Variants in RANBP9 observed in about 807,000 individuals in gnomAD.
The protein encoded by RANBP9 is RAN binding protein 9.
In RANBP9, 15 loss-of-function variants were observed where a neutral mutation model predicts 84.3. That is an observed-to-expected ratio of 0.18 (90% CI 0.12 to 0.27). The LOEUF is 0.27. RANBP9 is among the 10% of genes least tolerant of loss of function. The pLI, the probability that RANBP9 is intolerant of heterozygous loss-of-function variation, is 1.00. For synonymous variants in RANBP9, 392 were observed against 349.6 expected, an observed-to-expected ratio of 1.12 and a Z score of -1.35; for missense variants, 809 against 912.8, an observed-to-expected ratio of 0.89 and a Z score of 1.46.
At chr6:13,707,981 C>T (rs1289823342) in intron 1 of RANBP9, among the ~76,000 whole-genome samples, 4 of 152,224 alleles carry the variant, frequency 2.6e-5, no homozygotes, top group African/African-American at 4.8e-5. Flanking sequence ...AAAAATTTCA[C>T]ATATACTATA....
At chr6:13,702,731 A>G (rs1758005317) in intron 1 of RANBP9, among the ~76,000 whole-genome samples, 1 of 152,174 alleles carries the variant, frequency 6.6e-6, no homozygotes, top group Non-Finnish European at 1.5e-5. Flanking sequence ...GAAGAAAAAA[A>G]AAATCCTACC....
chr6:13,697,712 T>C (rs754516112), intron 1 of RANBP9, among the ~76,000 whole-genome samples: 1 of 151,958 alleles, frequency 6.6e-6, no homozygotes, highest in Non-Finnish European at 1.5e-5. Flanking sequence ...TAAGAGAAAA[T>C]ATGTCCACAA....
At chr6:13,684,753 A>G (rs1461013007) in intron 2 of RANBP9, among the ~76,000 whole-genome samples, 1 of 152,218 alleles carries the variant, frequency 6.6e-6, no homozygotes, top group Non-Finnish European at 1.5e-5. Context: ...GATCTTAAAT[A>G]AATAATTATG....
intron 2 of RANBP9, among the ~76,000 whole-genome samples, chr6:13,683,686 A>G (rs1766098135): frequency 6.6e-6 from 1 of 150,624 alleles, no homozygotes; most frequent in Non-Finnish European, 1.5e-5. Context: ...AAAATATGTT[A>G]TTTTTTTTCT....
chr6:13,648,525 C>G (rs1345472606), intron 5 of RANBP9, among the ~76,000 whole-genome samples: 2 of 152,056 alleles, frequency 1.3e-5, no homozygotes, highest in Non-Finnish European at 2.9e-5. Context: ...ATAATGTCTT[C>G]TAGAAAAATA....
chr6:13,621,673 G>A lies in RANBP9; in HGVS notation c.*689C>T, dbSNP rs1329184236. 2 of 152,590 alleles carry A rather than the reference G, an allele frequency of 1.3e-5. No homozygotes were observed. Among genetic ancestry groups the A allele is most frequent in the Admixed American group, 6.5e-5 (1 of 15,282 alleles). 9.5% of individuals were successfully genotyped at this position (152,590 alleles called of 1,614,324 possible). A position where few individuals can be genotyped will look rare whatever the true frequency, so the allele number is the denominator to read the frequency against. ...AAGGTCATAACCACACCGTTGACAT[G>A]TAATACTGTTATAATACAACAGTTA... On this transcript the variant is annotated 3_prime_UTR_variant, in exon 14 of 14. Coordinates refer to ENST00000011619, the MANE Select transcript of RANBP9 (RefSeq NM_005493.3).
At chr6:13,664,995 TA>T (rs1293721848) in intron 2 of RANBP9, among the ~76,000 whole-genome samples, 1 of 152,086 alleles carries the variant, frequency 6.6e-6, no homozygotes, top group East Asian at 1.9e-4. Flanking sequence ...CAAAAGTGCC[TA>T]GACAGTCCAA....
chr6:13,696,985 T>C, intron 1 of RANBP9, 89 bp from the exon 2 acceptor site: 1 of 1,073,962 alleles, frequency 9.3e-7, no homozygotes, highest in Non-Finnish European at 1.4e-6. Context: ...ATATAGGTTT[T>C]TGGAATGATG....
intron 5 of RANBP9, among the ~76,000 whole-genome samples, chr6:13,648,358 G>A (rs1765220674): frequency 3.9e-5 from 6 of 151,934 alleles, no homozygotes; most frequent in Admixed American, 2.6e-4. Context: ...ATGTTGGCCA[G>A]GATAGTCTTG....
chr6:13,642,822 C>CT (rs1765097938), intron 6 of RANBP9, among the ~76,000 whole-genome samples: 2 of 152,108 alleles, frequency 1.3e-5, no homozygotes, highest in African/African-American at 4.8e-5. Flanking sequence ...ACTACTCTCC[C>CT]TAAAATAAAT....
chr6:13,708,514 A>AAGGAAAAT (rs1758184187), intron 1 of RANBP9, among the ~76,000 whole-genome samples: 1 of 152,186 alleles, frequency 6.6e-6, no homozygotes, highest in African/African-American at 2.4e-5. Flanking sequence ...TTTCAAAGAT[A>AAGGAAAAT]AGGAAAATTC....
At chr6:13,709,276 C>G (rs1251906142) in intron 1 of RANBP9, among the ~76,000 whole-genome samples, 1 of 152,190 alleles carries the variant, frequency 6.6e-6, no homozygotes, top group Non-Finnish European at 1.5e-5. Flanking sequence ...TCGTCCAGCT[C>G]AACTTACACA....
chr6:13,690,245 AT>A (rs1317586634), intron 2 of RANBP9, among the ~76,000 whole-genome samples: 3 of 152,184 alleles, frequency 2.0e-5, no homozygotes, highest in Non-Finnish European at 2.9e-5. Context: ...ATAATTTCTT[AT>A]CCCCACTCAG....
At chr6:13,670,833 A>G (rs2113307798) in intron 2 of RANBP9, among the ~76,000 whole-genome samples, 2 of 151,504 alleles carry the variant, frequency 1.3e-5, no homozygotes, top group East Asian at 3.9e-4. Context: ...TAGACAAACT[A>G]GACTCCATAA....
At chr6:13,691,295 T>C (rs1259519697) in intron 2 of RANBP9, among the ~76,000 whole-genome samples, 6 of 152,128 alleles carry the variant, frequency 3.9e-5, no homozygotes, top group Admixed American at 1.3e-4. Flanking sequence ...GCTGCACATA[T>C]ACAAAACTTA....
At position 13,711,174 on chromosome 6, in the gene RANBP9, C is replaced by A. The variant is rs967550710; in HGVS notation, c.332G>T (p.Gly111Val). ...CGGGGCTCCTCCAGCCGGGCCGGGGCCCGCTGCAAGGCCCGGGGGAGCGGG... is the reference window on the plus strand; with the variant it reads ...CGGGGCTCCTCCAGCCGGGCCGGGGACCGCTGCAAGGCCCGGGGGAGCGGG... ...GPPAPPGLAAGPGPAGGAPTP... is the reference protein window; with the variant it reads ...GPPAPPGLAAVPGPAGGAPTP... The change falls in exon 1 of 14, where the codon GGC becomes GTC. Residue 111 changes from glycine (G) to valine (V), a missense_variant. This residue lies in a region of RANBP9 where 302 missense variants were observed against 240.1 expected (regional missense o/e 1.26). Transcript: ENST00000011619. The A allele has an allele frequency of 5.6e-6, 8 of 1,423,686 alleles. No individual in the cohort carries two copies. Among genetic ancestry groups the A allele is most frequent in the Non-Finnish European group, 7.3e-6 (8 of 1,092,664 alleles). 88.2% of individuals were successfully genotyped at this position (1,423,686 alleles called of 1,614,324 possible).
Position 13,707,676 on chromosome 6 carries a change from T to C in RANBP9, c.571+3259A>G, listed in dbSNP as rs529710851. ...TTCTACCACTCTCTAAAATTTAAAA[T>C]GAAAATTCCAGGATCTTGTCCAGAT... On this transcript the variant is annotated intron_variant, in intron 1 of 13. Transcript: ENST00000011619. 6.6e-5 allele frequency among the ~76,000 whole-genome samples: 10 copies of C among 152,328 alleles called. No homozygotes were observed. In the South Asian group the frequency reaches 1.9e-3, roughly 28 times the overall value.
intron 2 of RANBP9, among the ~76,000 whole-genome samples, chr6:13,694,151 C>T (rs1211562398): frequency 6.6e-6 from 1 of 152,202 alleles, no homozygotes; most frequent in Non-Finnish European, 1.5e-5. Context: ...CACTTAACTA[C>T]AATCCAGCAA....
At position 13,644,660 on chromosome 6, in the gene RANBP9, G is replaced by C; in HGVS notation, c.997C>G (p.Pro333Ala). Reference sequence around the variant, plus strand: ...TAGTCTTCTATATCAAACACGAAAGGATGTTGCCCAAAATTGGCATCGACC... The same window carrying C: ...TAGTCTTCTATATCAAACACGAAAGCATGTTGCCCAAAATTGGCATCGACC... ...EVVDANFGQHPFVFDIEDYMR... is the reference protein window; with the variant it reads ...EVVDANFGQHAFVFDIEDYMR... Residue 333 changes from proline (P) to alanine (A), a missense_variant, in exon 6 of 14, where the codon CCT (proline) becomes GCT (alanine). Transcript: ENST00000011619. 2 of 1,613,150 alleles carry C rather than the reference G, an allele frequency of 1.2e-6. No individual in the cohort carries two copies. Among genetic ancestry groups the C allele is most frequent in the South Asian group, 2.2e-5 (2 of 90,944 alleles).
Sources: gnomAD v4.1 joint callset for allele counts (sites outside exome capture counted in the v4.1 genomes callset) on GRCh38, gnomAD v4.1.1 for gene constraint, gnomAD v4.1.1 regional missense constraint, MANE v1.5 for transcripts, NCBI Gene and HGNC (gene_info 2026-07-23, HGNC 2026-07-21) for gene names.